Variants in RIMBP2 observed in about 807,000 individuals in gnomAD.
RIMBP2 encodes the protein RIMS binding protein 2, also known as RIMS-binding protein 2.
In RIMBP2, 48 loss-of-function variants were observed where a neutral mutation model predicts 118.6. The ratio of observed to expected loss-of-function variants is 0.40; its 90% CI spans 0.32 to 0.51. RIMBP2 has a LOEUF of 0.51. RIMBP2 is among the 20% of genes least tolerant of loss of function. RIMBP2 has a pLI of 0.41. For missense variants in RIMBP2, 1,551 were observed against 1,768.3 expected, an observed-to-expected ratio of 0.88 and a Z score of 2.20; for synonymous variants, 762 against 742.9, an observed-to-expected ratio of 1.03 and a Z score of -0.42.
At position 130,615,272 on chromosome 12, in the gene RIMBP2, C is replaced by CACATAT. The variant is rs1429575646; in HGVS notation, c.-217+13049_-217+13050insATATGT. Among the ~76,000 whole-genome samples, 100 of 38,780 alleles carry CACATAT rather than the reference C, an allele frequency of 2.6e-3. 2 individuals carry two copies. The highest frequency in any genetic ancestry group is 3.7e-3 in the South Asian group (2 of 544). The allele number at this position is 38,780 out of a possible 152,430, so 25.4% of individuals were successfully genotyped here. On this transcript the variant is annotated intron_variant, in intron 2 of 22. Coordinates refer to ENST00000690449, the MANE Select transcript of RIMBP2 (RefSeq NM_001393629.1). ...TAATTATGTATATATACATAATACA[C>CACATAT]ATACATATATATATATATATATATG...
At chr12:130,553,495 G>C (rs2056035942) in intron 2 of RIMBP2, among the ~76,000 whole-genome samples, 1 of 152,136 alleles carries the variant, frequency 6.6e-6, no homozygotes, top group Non-Finnish European at 1.5e-5. Flanking sequence ...TAAATAACTT[G>C]ACAATTAGGA....
chr12:130,504,692 C>A (rs1446443737), intron 4 of RIMBP2, among the ~76,000 whole-genome samples: 1 of 152,128 alleles, frequency 6.6e-6, no homozygotes, highest in African/African-American at 2.4e-5. Flanking sequence ...CTTTAAGCCA[C>A]CGAGACACTG....
intron 21 of RIMBP2, among the ~76,000 whole-genome samples, chr12:130,403,522 G>C (rs1305203198): frequency 1.3e-5 from 2 of 152,174 alleles, no homozygotes; most frequent in African/African-American, 4.8e-5. Flanking sequence ...AAGATATGTA[G>C]ATTGTTAAAA....
intron 2 of RIMBP2, among the ~76,000 whole-genome samples, chr12:130,585,469 G>A (rs1005575745): frequency 1.3e-5 from 2 of 152,092 alleles, no homozygotes; most frequent in African/African-American, 2.4e-5. Context: ...TTTTAGGGCA[G>A]GTTGTGGTCA....
intron 2 of RIMBP2, among the ~76,000 whole-genome samples, chr12:130,598,829 A>G (rs552809385): frequency 1.3e-5 from 2 of 152,216 alleles, no homozygotes; most frequent in Non-Finnish European, 2.9e-5. Context: ...TAGTCCACTG[A>G]AAAAGAATAG....
At chr12:130,453,536 C>T (rs1187909736) in intron 7 of RIMBP2, among the ~76,000 whole-genome samples, 1 of 152,242 alleles carries the variant, frequency 6.6e-6, no homozygotes, top group African/African-American at 2.4e-5. Flanking sequence ...TGTGACAACA[C>T]GATGCACCTG....
In RIMBP2 at chr12:130,646,237, C is replaced by CA. The variant is rs2062928728; in HGVS notation, c.-351-17782_-351-17781insT. On this transcript the variant is annotated intron_variant, in intron 1 of 22. Coordinates refer to ENST00000690449, the MANE Select transcript of RIMBP2 (RefSeq NM_001393629.1). Reference sequence around the variant, plus strand: ...TCTCCACCTCCCTCACCACCTGCCTCTCCACCTCCCTCACCACTTCCCTCT... The same window carrying CA: ...TCTCCACCTCCCTCACCACCTGCCTCATCCACCTCCCTCACCACTTCCCTCT... 7.0e-5 allele frequency among the ~76,000 whole-genome samples: 5 copies of CA among 71,638 alleles called. 1 individual carries two copies. The highest frequency in any genetic ancestry group is 1.4e-4 in the Admixed American group (1 of 7,328). The allele number at this position is 71,638 out of a possible 152,430, so 47.0% of individuals were successfully genotyped here.
At position 130,620,197 on chromosome 12, in the gene RIMBP2, G is replaced by C. The variant is rs1165344806; in HGVS notation, c.-217+8125C>G. On this transcript the variant is annotated intron_variant, in intron 2 of 22. Transcript: ENST00000690449. This position sits in a 1 kb window ranked among gnomAD's most constrained non-coding sequence, Gnocchi z 5.3. ...CTCTCCAGCCAAGGGATGGGCACAA[G>C]ACCGAAGTGGTGGCAGTTAAACAAT... Among the ~76,000 whole-genome samples, 1 of 152,176 alleles carries C rather than the reference G, an allele frequency of 6.6e-6. No individual in the cohort carries two copies. The highest frequency in any genetic ancestry group is 1.9e-4 in the East Asian group (1 of 5,182).
chr12:130,415,112 A>C (rs1565997244), intron 17 of RIMBP2, among the ~76,000 whole-genome samples: 3 of 152,218 alleles, frequency 2.0e-5, no homozygotes, highest in Admixed American at 6.5e-5. Flanking sequence ...AGAAAACTAC[A>C]GGCTAATATC....
chr12:130,490,535 G>A (rs530503967), intron 4 of RIMBP2, among the ~76,000 whole-genome samples: 40 of 152,250 alleles, frequency 2.6e-4, no homozygotes, highest in African/African-American at 7.2e-4. Context: ...AGTATAAATC[G>A]GGGTACAGGG....
chr12:130,494,307 G>A (rs543430864), intron 4 of RIMBP2, among the ~76,000 whole-genome samples: 5 of 152,162 alleles, frequency 3.3e-5, no homozygotes, highest in South Asian at 2.1e-4. Context: ...CTCTGCCCCC[G>A]CCTCCACAGT....
intron 11 of RIMBP2, among the ~76,000 whole-genome samples, chr12:130,439,279 T>G (rs56072906): frequency 6.6e-6 from 1 of 151,680 alleles, no homozygotes; most frequent in Non-Finnish European, 1.5e-5. Context: ...TGTATGTACA[T>G]TGTGTGTGTA....
At chr12:130,658,792 G>C (rs1474965017) in intron 1 of RIMBP2, 1 of 152,248 alleles carries the variant, frequency 6.6e-6, no homozygotes, top group Admixed American at 6.5e-5. Flanking sequence ...GCTGTGTCCT[G>C]TATCCCAGAA....
intron 2 of RIMBP2, among the ~76,000 whole-genome samples, chr12:130,557,376 A>G (rs2056452327): frequency 2.0e-5 from 3 of 152,206 alleles, no homozygotes; most frequent in Admixed American, 2.0e-4. Flanking sequence ...CAGCAGCCCA[A>G]GAAACTCATC....
chr12:130,645,738 T>A (rs2062841003), intron 1 of RIMBP2, among the ~76,000 whole-genome samples: 1 of 152,210 alleles, frequency 6.6e-6, no homozygotes, highest in African/African-American at 2.4e-5. Context: ...CCGTGCCTGA[T>A]CTCTTCCTTA....
At chr12:130,535,824 G>C (rs1412843361) in intron 2 of RIMBP2, among the ~76,000 whole-genome samples, 1 of 146,986 alleles carries the variant, frequency 6.8e-6, no homozygotes, top group South Asian at 2.2e-4. Context: ...TGTCACTCAG[G>C]CTGGAGTGCA....
In RIMBP2 at chr12:130,683,337, G is replaced by A. The variant is rs2064889966; in HGVS notation, c.-352+32885C>T. Among the ~76,000 whole-genome samples the A allele has an allele frequency of 1.3e-5, 2 of 152,244 alleles. No individual in the cohort carries two copies. The highest frequency in any genetic ancestry group is 2.9e-5 in the Non-Finnish European group (2 of 68,048). ...CTCCCCACAGAGCCTCCAGGGGGAA[G>A]GCAGCTCTGCGGACACCCTGACCTC... On this transcript the variant is annotated intron_variant, in intron 1 of 22. Transcript: ENST00000690449. This position sits in a 1 kb window ranked among gnomAD's most constrained non-coding sequence, Gnocchi z 4.4.
chr12:130,438,036 T>C (rs1007129116), intron 12 of RIMBP2, among the ~76,000 whole-genome samples: 1 of 152,188 alleles, frequency 6.6e-6, no homozygotes, highest in African/African-American at 2.4e-5. Flanking sequence ...GCCATGGGTA[T>C]CATCGTGCTA....
At chr12:130,415,826 T>C (rs541927361) in intron 17 of RIMBP2, among the ~76,000 whole-genome samples, 1 of 152,288 alleles carries the variant, frequency 6.6e-6, no homozygotes, top group African/African-American at 2.4e-5. Flanking sequence ...GCTAAAAGGC[T>C]CCTAAACCAA....
Sources: allele counts gnomAD v4.1 joint callset (sites outside exome capture counted in the v4.1 genomes callset), GRCh38; gene constraint gnomAD v4.1.1; non-coding constraint Gnocchi (gnomAD v3.1); transcripts MANE v1.5; gene names NCBI Gene and HGNC (gene_info 2026-07-23, HGNC 2026-07-21).